PDPR: variants seen among roughly 807,000 people sequenced by gnomAD.
PDPR encodes the protein pyruvate dehydrogenase phosphatase regulatory subunit, mitochondrial.
Under a neutral mutation model 102.2 loss-of-function variants are expected in PDPR, and 50 were observed. The ratio of observed to expected loss-of-function variants is 0.49; its 90% confidence interval spans 0.39 to 0.62. The LOEUF is 0.62. PDPR is among the 20% of genes least tolerant of loss of function. The pLI is 0.00. For synonymous variants in PDPR, 259 were observed against 406.0 expected (o/e 0.64, Z 4.35); for missense variants, 625 against 1,098.2 (o/e 0.57, Z 6.09).
chr16:70,134,418 G>T (rs540202068), intron 9 of PDPR, among the ~76,000 whole-genome samples: 9 of 151,774 alleles, frequency 5.9e-5, no homozygotes, highest in Admixed American at 5.3e-4. Flanking sequence ...TAGAGATGGG[G>T]TTTCACTATT....
chr16:70,137,807 GA>G (rs1195615102), intron 10 of PDPR, among the ~76,000 whole-genome samples: 143 of 152,212 alleles, frequency 9.4e-4, no homozygotes, highest in Non-Finnish European at 5.6e-4. Flanking sequence ...TTAGGTGACA[GA>G]AAAAAACCCA....
downstream of PDPR, chr16:70,162,570 G>C (rs1967893107): frequency 6.6e-6 from 1 of 152,512 alleles, no homozygotes; most frequent in Non-Finnish European, 1.5e-5. Context: ...CATCTGTAGT[G>C]ACTTAAATGT....
intron 6 of PDPR, among the ~76,000 whole-genome samples, 169 bp from the exon 7 acceptor site, chr16:70,130,254 C>T (rs1964402134): frequency 6.6e-6 from 1 of 152,266 alleles, no homozygotes; most frequent in Non-Finnish European, 1.5e-5. Context: ...CACGACTACA[C>T]TCCACCCTTG....
At chr16:70,148,701 G>C in intron 17 of PDPR, 148 bp downstream of exon 17, 1 of 707,426 alleles carries the variant, frequency 1.4e-6, no homozygotes, top group Non-Finnish European at 2.5e-6. Context: ...ATTGGGCCTT[G>C]GGAGCTGAGG....
chr16:70,155,468 T>A (rs573052504), intron 18 of PDPR, among the ~76,000 whole-genome samples: 265 of 152,272 alleles, frequency 1.7e-3, no homozygotes, highest in South Asian at 7.5e-3. Context: ...TACAAAAAAT[T>A]AGGTGGGTGT....
At chr16:70,139,341 G>A (rs1170918419) in intron 11 of PDPR, among the ~76,000 whole-genome samples, 5 of 152,320 alleles carry the variant, frequency 3.3e-5, no homozygotes, top group South Asian at 2.1e-4. Flanking sequence ...ACCGTATGTC[G>A]AAGTGCGTGC....
Position 70,157,859 on chromosome 16 carries a change from C to A in PDPR, c.*980C>A. 6.5e-6 allele frequency: 1 copy of A among 154,598 alleles called. No homozygotes were observed. Among genetic ancestry groups the A allele is most frequent in the Non-Finnish European group, 1.4e-5 (1 of 69,446 alleles). The allele number at this position is 154,598 out of a possible 1,614,324, so 9.6% of individuals were successfully genotyped here. A position where few individuals can be genotyped will look rare whatever the true frequency, so the allele number is the denominator to read the frequency against. ...TCACTTGTCCCTTTCACAGTTGGCC[C>A]ATAAAGTCATGTTTCTCTCCCTTTA... is the stretch of plus-strand genomic sequence containing the variant. On this transcript the variant is annotated 3_prime_UTR_variant, in exon 19 of 19. Coordinates refer to ENST00000288050, the MANE Select transcript of PDPR (RefSeq NM_017990.5).
At chr16:70,162,765 G>T (rs1967907591), downstream of PDPR, among the ~76,000 whole-genome samples, 1 of 152,268 alleles carries the variant, frequency 6.6e-6, no homozygotes. Context: ...CCGGCCTTCT[G>T]CCTACAGCTG....
At chr16:70,130,795 C>T (rs1398344787) in intron 7 of PDPR, among the ~76,000 whole-genome samples, 5 of 152,288 alleles carry the variant, frequency 3.3e-5, no homozygotes, top group Admixed American at 6.5e-5. Context: ...CAGGCATTGA[C>T]GTGAATCCTT....
intron 17 of PDPR, 39 bp downstream of exon 17, chr16:70,148,592 C>T (rs1174519655): frequency 4.1e-6 from 1 of 241,268 alleles, no homozygotes; most frequent in South Asian, 4.6e-5. Context: ...CTTCACTTCC[C>T]TTCCCTTCCC....
chr16:70,116,208 C>G (rs1294442016), intron 2 of PDPR, among the ~76,000 whole-genome samples: 1 of 144,788 alleles, frequency 6.9e-6, no homozygotes, highest in African/African-American at 2.6e-5. Flanking sequence ...TCCTGAGTAG[C>G]TGGGACTACA....
intron 4 of PDPR, 145 bp from the exon 5 acceptor site, chr16:70,128,639 G>T (rs1245375136): frequency 2.7e-6 from 4 of 1,477,960 alleles, no homozygotes; most frequent in Non-Finnish European, 3.6e-6. Flanking sequence ...TAGAAGCTCA[G>T]AGAAGCTGAT....
intron 17 of PDPR, among the ~76,000 whole-genome samples, chr16:70,149,030 G>A (rs1367804439): frequency 6.6e-6 from 1 of 151,838 alleles, no homozygotes; most frequent in East Asian, 1.9e-4. Flanking sequence ...GAGTAGCTGG[G>A]ACTGTAGGCA....
At position 70,157,264 on chromosome 16, in the gene PDPR, C is replaced by T. The variant is rs1313384385; in HGVS notation, c.*385C>T. ...TGGTGCAGGTCTCAGGGCACGAGTC[C>T]CTCTCCCTTGGGTTCCATTTTCTTG... On this transcript the variant is annotated 3_prime_UTR_variant, in exon 19 of 19. Coordinates refer to ENST00000288050, the MANE Select transcript of PDPR (RefSeq NM_017990.5). 4 of 483,624 alleles carry T rather than the reference C, an allele frequency of 8.3e-6. No homozygotes were observed. The highest frequency in any genetic ancestry group is 2.0e-5 in the African/African-American group (1 of 50,718). 30.0% of individuals were successfully genotyped at this position (483,624 alleles called of 1,614,324 possible). A position where few individuals can be genotyped will look rare whatever the true frequency, so the allele number is the denominator to read the frequency against.
At chr16:70,130,570 C>A in intron 7 of PDPR, 26 bp downstream of exon 7, 1 of 1,612,790 alleles carries the variant, frequency 6.2e-7, no homozygotes, top group South Asian at 1.1e-5. Context: ...CACTGCTGTT[C>A]TTATTTAACG....
chr16:70,117,409 T>G (rs1445469336), intron 2 of PDPR, among the ~76,000 whole-genome samples: 1 of 149,992 alleles, frequency 6.7e-6, no homozygotes, highest in East Asian at 2.0e-4. Context: ...TCCCAGCTAC[T>G]CAGGAGGCTG....
chr16:70,122,976 C>G (rs1238908867), intron 3 of PDPR, among the ~76,000 whole-genome samples: 2 of 152,216 alleles, frequency 1.3e-5, no homozygotes, highest in African/African-American at 4.8e-5. Context: ...TCTCGGCTCA[C>G]TGCAACCTGT....
chr16:70,121,276 T>C (rs3960360), intron 3 of PDPR, among the ~76,000 whole-genome samples: 53,118 of 121,438 alleles, frequency 0.44, 8,571 homozygotes, highest in Non-Finnish European at 0.5. Flanking sequence ...ATTTTCTGCT[T>C]TATTGGCTTG....
chr16:70,116,734 G>C (rs578076441), intron 2 of PDPR, among the ~76,000 whole-genome samples: 18 of 151,996 alleles, frequency 1.2e-4, no homozygotes, highest in African/African-American at 3.9e-4. Context: ...TAGAGACGGG[G>C]TTTCACCATG....
Sources: allele counts gnomAD v4.1 joint callset (sites outside exome capture counted in the v4.1 genomes callset), GRCh38; gene constraint gnomAD v4.1.1; transcripts MANE v1.5; gene names NCBI Gene and HGNC (gene_info 2026-07-23, HGNC 2026-07-21).